The following RALYL variants were observed in gnomAD, a reference collection of about 807,000 sequenced individuals.
RALYL encodes RALY RNA binding protein like, also known as RNA-binding Raly-like protein.
RALYL carries 29 observed loss-of-function variants against 35.1 expected under a neutral mutation model. The ratio of observed to expected loss-of-function variants is 0.83; its 90% CI spans 0.61 to 1.13. The LOEUF is 1.13. Ranked by LOEUF, RALYL falls within the 50% of genes most tolerant of loss-of-function variation. The probability of loss-of-function intolerance (pLI) is 0.00; values close to 1 mark genes in which losing one functional copy is unlikely to be tolerated. For synonymous variants in RALYL, 120 were observed against 127.6 expected (o/e 0.94, Z 0.40); for missense variants, 359 against 360.4 (o/e 1.00, Z 0.03).
chr8:84,466,555 T>C (rs1205999233), intron 1 of RALYL, among the ~76,000 whole-genome samples: 1 of 151,586 alleles, frequency 6.6e-6, no homozygotes, highest in Non-Finnish European at 1.5e-5. Flanking sequence ...CAGTATTTTA[T>C]TGAGGATTTT....
intron 2 of RALYL, among the ~76,000 whole-genome samples, chr8:84,555,754 C>T (rs2061069292): frequency 6.6e-6 from 1 of 151,954 alleles, no homozygotes; most frequent in Admixed American, 6.6e-5. Flanking sequence ...AGATAATCTC[C>T]CAAGTATATG....
intron 2 of RALYL, among the ~76,000 whole-genome samples, chr8:84,577,841 C>T (rs1809832275): frequency 6.6e-6 from 1 of 152,106 alleles, no homozygotes; most frequent in Admixed American, 6.5e-5. Flanking sequence ...AAAAGATATC[C>T]TAAGCCAATC....
chr8:84,700,016 A>G (rs1027423133), intron 2 of RALYL, among the ~76,000 whole-genome samples: 1 of 152,170 alleles, frequency 6.6e-6, no homozygotes, highest in Non-Finnish European at 1.5e-5. Context: ...ACCCATCCAA[A>G]GGATATGATA....
intron 1 of RALYL, among the ~76,000 whole-genome samples, chr8:84,460,966 G>A (rs1309262210): frequency 1.3e-5 from 2 of 151,494 alleles, no homozygotes; most frequent in African/African-American, 4.8e-5. Context: ...AAAATGATAA[G>A]AGAGTACACC....
At chr8:84,680,545 C>A (rs934450231) in intron 2 of RALYL, among the ~76,000 whole-genome samples, 6 of 152,142 alleles carry the variant, frequency 3.9e-5, no homozygotes, top group African/African-American at 1.4e-4. Flanking sequence ...GCCATTCTAA[C>A]TGGTGTGAGA....
At chr8:84,522,540 C>T (rs974958103) in intron 1 of RALYL, among the ~76,000 whole-genome samples, 7 of 152,096 alleles carry the variant, frequency 4.6e-5, no homozygotes, top group South Asian at 2.1e-4. Flanking sequence ...TGAGCCACCG[C>T]GCCCGGCCTA....
intron 2 of RALYL, among the ~76,000 whole-genome samples, chr8:84,550,348 T>A (rs1212764932): frequency 1.3e-5 from 2 of 152,264 alleles, no homozygotes; most frequent in East Asian, 3.9e-4. Context: ...AAGAAGTTGC[T>A]ACAATTAACA....
intron 4 of RALYL, among the ~76,000 whole-genome samples, chr8:84,823,992 G>A (rs1274019430): frequency 6.6e-6 from 1 of 151,894 alleles, no homozygotes; most frequent in East Asian, 1.9e-4. Flanking sequence ...CATTCAACAA[G>A]GTACTAGAAA....
intron 1 of RALYL, among the ~76,000 whole-genome samples, chr8:84,193,863 A>G (rs1422706697): frequency 6.6e-6 from 1 of 152,188 alleles, no homozygotes; most frequent in African/African-American, 2.4e-5. Flanking sequence ...TGTGTAAAAC[A>G]AAGTGAGGAG....
chr8:84,578,347 C>T (rs1264770347), intron 2 of RALYL, among the ~76,000 whole-genome samples: 1 of 152,224 alleles, frequency 6.6e-6, no homozygotes, highest in Non-Finnish European at 1.5e-5. Flanking sequence ...AAGAGGGTGT[C>T]ACAGCCCTGG....
At chr8:84,461,925 A>G (rs2050835850) in intron 1 of RALYL, among the ~76,000 whole-genome samples, 1 of 151,542 alleles carries the variant, frequency 6.6e-6, no homozygotes, top group Non-Finnish European at 1.5e-5. Context: ...AAAGTCCATA[A>G]TTTACATTAG....
intron 1 of RALYL, among the ~76,000 whole-genome samples, chr8:84,217,618 T>C (rs1352437112): frequency 6.6e-6 from 1 of 152,082 alleles, no homozygotes; most frequent in African/African-American, 2.4e-5. Context: ...CACTCATATA[T>C]ACGATTTTTT....
chr8:84,451,413 G>C (rs1483852914), intron 1 of RALYL, among the ~76,000 whole-genome samples: 1 of 151,880 alleles, frequency 6.6e-6, no homozygotes, highest in Non-Finnish European at 1.5e-5. Flanking sequence ...TCAGGTCACA[G>C]CCCAAAGACA....
At chr8:84,289,197 C>T (rs1425336288) in intron 1 of RALYL, among the ~76,000 whole-genome samples, 1 of 152,138 alleles carries the variant, frequency 6.6e-6, no homozygotes, top group Non-Finnish European at 1.5e-5. Flanking sequence ...CACTATCTCC[C>T]TTGATGTTTA....
intron 1 of RALYL, among the ~76,000 whole-genome samples, chr8:84,458,886 A>C (rs535169226): frequency 6.6e-6 from 1 of 151,772 alleles, no homozygotes; most frequent in South Asian, 2.1e-4. Flanking sequence ...TTTTCAGCAG[A>C]TCACCTTCTG....
At chr8:84,604,556 T>C (rs2130791105) in intron 2 of RALYL, among the ~76,000 whole-genome samples, 1 of 152,294 alleles carries the variant, frequency 6.6e-6, no homozygotes, top group South Asian at 2.1e-4. Context: ...TACATACTTC[T>C]AATTTGAATT....
At chr8:84,617,929 C>G in intron 2 of RALYL, among the ~76,000 whole-genome samples, 1 of 151,800 alleles carries the variant, frequency 6.6e-6, no homozygotes, top group South Asian at 2.1e-4. Flanking sequence ...AGCCTTGCAT[C>G]CCAGGGATGA....
intron 1 of RALYL, among the ~76,000 whole-genome samples, chr8:84,245,503 G>T (rs956743169): frequency 2.0e-5 from 3 of 152,138 alleles, no homozygotes; most frequent in Non-Finnish European, 4.4e-5. Flanking sequence ...CCTTGATTCA[G>T]AGAAGACTTC....
intron 4 of RALYL, among the ~76,000 whole-genome samples, chr8:84,838,286 G>C (rs776409912): frequency 6.6e-6 from 1 of 152,148 alleles, no homozygotes; most frequent in Non-Finnish European, 1.5e-5. Flanking sequence ...TTTTATGAAA[G>C]AGATAGAATC....
Sources: allele counts gnomAD v4.1 joint callset (sites outside exome capture counted in the v4.1 genomes callset), GRCh38; gene constraint gnomAD v4.1.1; transcripts MANE v1.5; gene names NCBI Gene and HGNC (gene_info 2026-07-23, HGNC 2026-07-21).